Variants in XPNPEP1 observed in about 807,000 individuals in gnomAD.
XPNPEP1 encodes X-prolyl aminopeptidase 1.
Under a neutral mutation model 92.4 loss-of-function variants are expected in XPNPEP1, and 39 were observed. The ratio of observed to expected loss-of-function variants is 0.42; its 90% CI spans 0.33 to 0.55. The LOEUF (loss-of-function observed/expected upper bound fraction) is 0.55. Ranked by LOEUF, XPNPEP1 falls within the 20% of genes least tolerant of loss-of-function variation. The pLI is 0.08. For synonymous variants in XPNPEP1, 307 were observed against 299.4 expected, an observed-to-expected ratio of 1.03 and a Z score of -0.26; for missense variants, 654 against 856.1, an observed-to-expected ratio of 0.76 and a Z score of 2.95.
At chr10:109,868,044 A>G (rs1847235837) in intron 20 of XPNPEP1, among the ~76,000 whole-genome samples, 2 of 152,210 alleles carry the variant, frequency 1.3e-5, no homozygotes, top group South Asian at 2.1e-4. Flanking sequence ...GAGCTGGGCA[A>G]GTAAGCACTG....
chr10:109,885,821 C>A (rs2133417485), intron 8 of XPNPEP1, among the ~76,000 whole-genome samples: 1 of 152,278 alleles, frequency 6.6e-6, no homozygotes, highest in South Asian at 2.1e-4. Context: ...ACTTTTAGTT[C>A]CTAGTTTTCT....
intron 12 of XPNPEP1, among the ~76,000 whole-genome samples, chr10:109,878,872 T>C (rs568979400): frequency 1.5e-4 from 22 of 147,710 alleles, no homozygotes; most frequent in African/African-American, 5.3e-4. Context: ...TGAGACCCCA[T>C]CTCAAAATAA....
chr10:109,906,176 C>T (rs1279329137), intron 3 of XPNPEP1, among the ~76,000 whole-genome samples: 4 of 152,164 alleles, frequency 2.6e-5, no homozygotes, highest in African/African-American at 9.7e-5. Flanking sequence ...TCATGTCTGA[C>T]ATCACACAGA....
At chr10:109,903,714 T>A (rs959597069) in intron 3 of XPNPEP1, among the ~76,000 whole-genome samples, 2 of 152,154 alleles carry the variant, frequency 1.3e-5, no homozygotes, top group African/African-American at 4.8e-5. Flanking sequence ...CCTTCTTAAA[T>A]GGGGGAGTGC....
rs753695985 is a variant in XPNPEP1, at chr10:109,888,468, C to T, written c.508+35G>A. ...ATGGAGGGGAATCTAGAAGCCACTT[C>T]CTTACCCAAGCAGAAAGGGACCAAG... On this transcript the variant is annotated intron_variant, in intron 6 of 20. Coordinates refer to ENST00000502935, the MANE Select transcript of XPNPEP1 (RefSeq NM_020383.4). 3.2e-6 allele frequency: 5 copies of T among 1,577,700 alleles called. No individual in the cohort carries two copies. In the Admixed American group the frequency reaches 8.9e-5, roughly 28 times the overall value.
At chr10:109,893,180 G>T in intron 3 of XPNPEP1, 105 bp from the exon 4 acceptor site, 1 of 1,054,512 alleles carries the variant, frequency 9.5e-7, no homozygotes, top group East Asian at 2.6e-5. Flanking sequence ...GAAGACTGGG[G>T]AATCCTTGGC....
chr10:109,884,744 C>T (rs1373356195), intron 8 of XPNPEP1, among the ~76,000 whole-genome samples: 1 of 152,224 alleles, frequency 6.6e-6, no homozygotes, highest in African/African-American at 2.4e-5. Context: ...GGCACCACGA[C>T]TGGGTGGGGG....
At chr10:109,901,659 T>G (rs1237032401) in intron 3 of XPNPEP1, among the ~76,000 whole-genome samples, 5 of 152,236 alleles carry the variant, frequency 3.3e-5, no homozygotes, top group Non-Finnish European at 7.3e-5. Context: ...ACAGAATACT[T>G]AATTTTATTT....
chr10:109,881,610 T>G (rs1181215809), intron 10 of XPNPEP1, among the ~76,000 whole-genome samples: 1 of 152,144 alleles, frequency 6.6e-6, no homozygotes, highest in Non-Finnish European at 1.5e-5. Context: ...AGGGGTACAA[T>G]GGCAAGCCAG....
chr10:109,916,910 C>T (rs1589639339), intron 1 of XPNPEP1, among the ~76,000 whole-genome samples: 1 of 152,106 alleles, frequency 6.6e-6, no homozygotes, highest in Admixed American at 6.5e-5. Flanking sequence ...AGAAAAAGCA[C>T]GACAAAATCC....
chr10:109,899,243 C>A (rs1849148647), intron 3 of XPNPEP1, among the ~76,000 whole-genome samples: 1 of 152,190 alleles, frequency 6.6e-6, no homozygotes, highest in Admixed American at 6.5e-5. Context: ...CCTTCATTCC[C>A]ATGCCTCATT....
intron 2 of XPNPEP1, among the ~76,000 whole-genome samples, chr10:109,908,983 G>A (rs968109989): frequency 2.6e-5 from 4 of 152,036 alleles, no homozygotes; most frequent in South Asian, 2.1e-4. Context: ...AAAGTATGGC[G>A]GGAGTGGCCG....
At chr10:109,921,308 C>T (rs1048741892) in intron 1 of XPNPEP1, among the ~76,000 whole-genome samples, 2 of 152,234 alleles carry the variant, frequency 1.3e-5, no homozygotes, top group African/African-American at 4.8e-5. Flanking sequence ...GTTCCAGCCT[C>T]CCAACATCCA....
In XPNPEP1 at chr10:109,914,344, C is replaced by T. The variant is rs1177610750; in HGVS notation, c.121+667G>A. 2.6e-5 allele frequency among the ~76,000 whole-genome samples: 4 copies of T among 152,136 alleles called. No individual in the cohort carries two copies. In the East Asian group the frequency reaches 7.7e-4, roughly 29 times the overall value. ...GCAATCTTATGATCAAAATTGAAAG[C>T]TAATTTCTAAGATAATGAAGGACTA... On this transcript the variant is annotated intron_variant, in intron 2 of 20. Coordinates refer to ENST00000502935, the MANE Select transcript of XPNPEP1 (RefSeq NM_020383.4).
At chr10:109,883,036 T>C (rs1268451456) in intron 9 of XPNPEP1, among the ~76,000 whole-genome samples, 1 of 152,176 alleles carries the variant, frequency 6.6e-6, no homozygotes, top group East Asian at 1.9e-4. Context: ...TCTACCGATG[T>C]TTCAGTCATA....
intron 7 of XPNPEP1, 31 bp downstream of exon 7, chr10:109,888,018 G>T: frequency 6.2e-7 from 1 of 1,610,344 alleles, no homozygotes; most frequent in Non-Finnish European, 8.5e-7. Flanking sequence ...CAATGGCAGG[G>T]GCCCTGCTGG....
At chr10:109,890,560 G>GTC in intron 5 of XPNPEP1, among the ~76,000 whole-genome samples, 1 of 85,808 alleles carries the variant, frequency 1.2e-5, no homozygotes, top group East Asian at 4.8e-4. Flanking sequence ...TTGTGTGTGT[G>GTC]TGTGTGTGTG....
intron 11 of XPNPEP1, among the ~76,000 whole-genome samples, 169 bp from the exon 12 acceptor site, chr10:109,880,407 C>G (rs571578519): frequency 1.5e-4 from 23 of 152,182 alleles, no homozygotes; most frequent in Non-Finnish European, 3.1e-4. Flanking sequence ...TGTGCAGCAA[C>G]TCCCATTATC....
intron 3 of XPNPEP1, among the ~76,000 whole-genome samples, chr10:109,895,537 T>C (rs943833178): frequency 1.8e-4 from 27 of 152,326 alleles, no homozygotes; most frequent in African/African-American, 6.3e-4. Flanking sequence ...CAGAAAGACA[T>C]TGCTAAGCAA....
Sources: gnomAD v4.1 joint callset for allele counts (sites outside exome capture counted in the v4.1 genomes callset) on GRCh38, gnomAD v4.1.1 for gene constraint, MANE v1.5 for transcripts, NCBI Gene and HGNC (gene_info 2026-07-23, HGNC 2026-07-21) for gene names.